CNTN5: variants seen among roughly 807,000 people sequenced by gnomAD.
CNTN5 encodes contactin-5.
CNTN5 carries 77 observed loss-of-function variants against 129.1 expected under a neutral mutation model. The ratio of observed to expected loss-of-function variants is 0.60; its 90% CI spans 0.50 to 0.72. The LOEUF (loss-of-function observed/expected upper bound fraction) is 0.72. CNTN5 is among the 30% of genes least tolerant of loss of function. The pLI is 0.00. For synonymous variants in CNTN5, 509 were observed against 465.6 expected (o/e 1.09, Z -1.20); for missense variants, 1,478 against 1,328.8 (o/e 1.11, Z -1.75).
At chr11:100,233,501 A>C (rs984810266) in intron 16 of CNTN5, among the ~76,000 whole-genome samples, 1 of 152,192 alleles carries the variant, frequency 6.6e-6, no homozygotes, top group Non-Finnish European at 1.5e-5. Flanking sequence ...GATAGGTCTC[A>C]CATTCACAAA....
chr11:100,242,519 T>C (rs1320499530), intron 16 of CNTN5, among the ~76,000 whole-genome samples: 2 of 152,116 alleles, frequency 1.3e-5, no homozygotes, highest in African/African-American at 4.8e-5. Context: ...TCAGGAAACT[T>C]ACAATCATGG....
At chr11:99,734,058 A>G (rs2135116228) in intron 3 of CNTN5, among the ~76,000 whole-genome samples, 1 of 152,330 alleles carries the variant, frequency 6.6e-6, no homozygotes, top group East Asian at 1.9e-4. Context: ...AGTCTTCCAA[A>G]GAAGTATACA....
intron 1 of CNTN5, among the ~76,000 whole-genome samples, chr11:99,154,218 C>A (rs189722375): frequency 1.3e-5 from 2 of 152,300 alleles, no homozygotes; most frequent in Admixed American, 1.3e-4. Flanking sequence ...CCTGCACATG[C>A]TCACTCCAGC....
At position 99,584,379 on chromosome 11, in the gene CNTN5, C is replaced by T. The variant is rs79861783; in HGVS notation, c.55+28110C>T. 5.0e-4 allele frequency among the ~76,000 whole-genome samples: 76 copies of T among 152,218 alleles called. No individual in the cohort carries two copies. The East Asian group carries it at 0.012, about 24-fold the overall frequency. ...GTGCAGAGCTTCTCATGCTGTTGGCCACAGACAGAAGGACCTTGGAGATGC... is the reference window on the plus strand; with the variant it reads ...GTGCAGAGCTTCTCATGCTGTTGGCTACAGACAGAAGGACCTTGGAGATGC... On this transcript the variant is annotated intron_variant, in intron 3 of 24. Transcript: ENST00000524871.
At chr11:99,630,940 A>C (rs1951325158) in intron 3 of CNTN5, among the ~76,000 whole-genome samples, 1 of 152,136 alleles carries the variant, frequency 6.6e-6, no homozygotes, top group Non-Finnish European at 1.5e-5. Flanking sequence ...CTCATCCCTC[A>C]TCCTCAGCAT....
At chr11:100,322,489 T>C (rs942111091) in intron 21 of CNTN5, among the ~76,000 whole-genome samples, 1 of 152,346 alleles carries the variant, frequency 6.6e-6, no homozygotes, top group African/African-American at 2.4e-5. Flanking sequence ...CCCAAAGTGC[T>C]GGGATTACAG....
At chr11:100,202,220 A>G (rs964424367) in intron 15 of CNTN5, among the ~76,000 whole-genome samples, 4 of 152,092 alleles carry the variant, frequency 2.6e-5, no homozygotes, top group Non-Finnish European at 4.4e-5. Flanking sequence ...ATACATTATC[A>G]TTTATCAGAT....
At chr11:99,520,979 G>A (rs1282749640) in intron 2 of CNTN5, among the ~76,000 whole-genome samples, 1 of 152,046 alleles carries the variant, frequency 6.6e-6, no homozygotes, top group Non-Finnish European at 1.5e-5. Context: ...GTAATATGCG[G>A]TTTATATAGC....
At chr11:99,312,083 G>A (rs1362068544) in intron 1 of CNTN5, among the ~76,000 whole-genome samples, 6 of 152,126 alleles carry the variant, frequency 3.9e-5, no homozygotes, top group African/African-American at 9.7e-5. Context: ...GTTGCATCAC[G>A]TGATATGAAA....
intron 3 of CNTN5, among the ~76,000 whole-genome samples, chr11:99,626,196 A>G (rs1591380562): frequency 1.3e-5 from 2 of 151,990 alleles, no homozygotes; most frequent in African/African-American, 4.8e-5. Context: ...GGCTCTATGG[A>G]TGGGGATTAA....
intron 3 of CNTN5, among the ~76,000 whole-genome samples, chr11:99,710,566 C>CGTGTGT (rs1954936867): frequency 3.8e-5 from 3 of 78,126 alleles, no homozygotes; most frequent in African/African-American, 1.4e-4. Context: ...TGTGTGTGTG[C>CGTGTGT]ATGTGTGTGT....
chr11:99,869,277 A>G (rs1948438387), intron 6 of CNTN5, among the ~76,000 whole-genome samples: 1 of 152,188 alleles, frequency 6.6e-6, no homozygotes, highest in Non-Finnish European at 1.5e-5. Context: ...CACAGAGGAA[A>G]TTAAAACTCC....
At chr11:99,795,592 T>TTC (rs2135456544) in intron 3 of CNTN5, among the ~76,000 whole-genome samples, 1 of 152,062 alleles carries the variant, frequency 6.6e-6, no homozygotes, top group African/African-American at 2.4e-5. Flanking sequence ...TTAGATCTTT[T>TTC]TTTTTTTTTG....
At chr11:100,091,412 T>A (rs1208504557) in intron 13 of CNTN5, among the ~76,000 whole-genome samples, 1 of 146,678 alleles carries the variant, frequency 6.8e-6, no homozygotes, top group African/African-American at 2.5e-5. Context: ...TTTGGTTTAT[T>A]TTTTATTTAT....
At chr11:99,109,117 A>G (rs911024661) in intron 1 of CNTN5, among the ~76,000 whole-genome samples, 20 of 151,724 alleles carry the variant, frequency 1.3e-4, no homozygotes, top group Non-Finnish European at 2.5e-4. Flanking sequence ...GTATATGTAC[A>G]TGTCTATATG....
chr11:99,307,835 G>T (rs1650018287), intron 1 of CNTN5, among the ~76,000 whole-genome samples: 1 of 152,058 alleles, frequency 6.6e-6, no homozygotes, highest in Non-Finnish European at 1.5e-5. Flanking sequence ...GAGGGCCATG[G>T]GAATATTTTC....
At chr11:99,198,089 T>C (rs1565396091) in intron 1 of CNTN5, among the ~76,000 whole-genome samples, 1 of 152,128 alleles carries the variant, frequency 6.6e-6, no homozygotes, top group East Asian at 1.9e-4. Context: ...TTTCTTCCCA[T>C]GTCTATCCCA....
At chr11:99,111,778 G>A (rs904817588) in intron 1 of CNTN5, among the ~76,000 whole-genome samples, 8 of 151,972 alleles carry the variant, frequency 5.3e-5, no homozygotes, top group East Asian at 1.9e-4. Context: ...TAAATACTGC[G>A]AACCTATTTA....
At chr11:99,192,720 A>ATATTTAAATAAAAT (rs1858706063) in intron 1 of CNTN5, among the ~76,000 whole-genome samples, 1 of 152,100 alleles carries the variant, frequency 6.6e-6, no homozygotes, top group Non-Finnish European at 1.5e-5. Context: ...ATTTAAATCT[A>ATATTTAAATAAAAT]CTGTATGGAA....
Sources: gnomAD v4.1 joint callset for allele counts (sites outside exome capture counted in the v4.1 genomes callset) on GRCh38, gnomAD v4.1.1 for gene constraint, MANE v1.5 for transcripts, NCBI Gene and HGNC (gene_info 2026-07-23, HGNC 2026-07-21) for gene names.